Variants in PTPRG observed in about 807,000 individuals in gnomAD.
PTPRG encodes receptor-type tyrosine-protein phosphatase gamma.
A neutral mutation model predicts 165.3 loss-of-function variants in PTPRG; 102 were observed. The observed-to-expected ratio is 0.62, with a 90% CI of 0.53 to 0.73. The LOEUF (loss-of-function observed/expected upper bound fraction) is 0.73, where lower values mean the gene tolerates loss of function less well. Among genes scored for constraint, PTPRG ranks in the 30% least tolerant of loss-of-function variants. The probability of loss-of-function intolerance (pLI) is 0.00; values close to 1 mark genes in which losing one functional copy is unlikely to be tolerated. For missense variants in PTPRG, 1,866 were observed against 1,861.4 expected, an observed-to-expected ratio of 1.00 and a Z score of -0.05; for synonymous variants, 675 against 669.5, an observed-to-expected ratio of 1.01 and a Z score of -0.13.
At chr3:61,659,295 C>G in intron 1 of PTPRG, 1 of 985,092 alleles carries the variant, frequency 1.0e-6, no homozygotes. Flanking sequence ...TCGACAAAGG[C>G]ACTGATGGTG....
At chr3:61,951,888 G>A in intron 2 of PTPRG, among the ~76,000 whole-genome samples, 1 of 152,134 alleles carries the variant, frequency 6.6e-6, no homozygotes, top group Non-Finnish European at 1.5e-5. Flanking sequence ...GGGAGGCCGA[G>A]GCGGGCAGAT....
At position 61,738,286 on chromosome 3, in the gene PTPRG, A is replaced by G. The variant is rs1303818099; in HGVS notation, c.86-10592A>G. On this transcript the variant is annotated intron_variant, in intron 1 of 29. Coordinates refer to ENST00000474889, the MANE Select transcript of PTPRG (RefSeq NM_002841.4). ...TATATATATATATATATACATATAT[A>G]TATATATATATATATATATATATAT... is the stretch of plus-strand genomic sequence containing the variant. Among the ~76,000 whole-genome samples, 42 of 70,744 alleles carry G rather than the reference A, an allele frequency of 5.9e-4. 2 individuals are homozygous for G. Among genetic ancestry groups the G allele is most frequent in the African/African-American group, 2.3e-3 (38 of 16,626 alleles). The allele number at this position is 70,744 out of a possible 152,430, so 46.4% of individuals were successfully genotyped here. A position where few individuals can be genotyped will look rare whatever the true frequency, so the allele number is the denominator to read the frequency against.
intron 5 of PTPRG, among the ~76,000 whole-genome samples, chr3:62,107,905 G>A (rs922737316): frequency 1.3e-5 from 2 of 152,134 alleles, no homozygotes; most frequent in Non-Finnish European, 2.9e-5. Flanking sequence ...TGATAAATCC[G>A]TGGAAATCTC....
chr3:61,675,791 C>T (rs1208215854), intron 1 of PTPRG, among the ~76,000 whole-genome samples: 1 of 152,016 alleles, frequency 6.6e-6, no homozygotes, highest in East Asian at 1.9e-4. Context: ...TATACTGTTG[C>T]TTTTGCATAC....
chr3:61,987,597 TA>T (rs1233277602), intron 2 of PTPRG, among the ~76,000 whole-genome samples: 4 of 152,174 alleles, frequency 2.6e-5, no homozygotes, highest in Non-Finnish European at 5.9e-5. Context: ...AGTGTAATTT[TA>T]TTGTACTGTA....
intron 5 of PTPRG, chr3:62,124,228 A>G (rs1703196216): frequency 1.8e-6 from 2 of 1,126,096 alleles, no homozygotes; most frequent in Non-Finnish European, 2.7e-6. Context: ...CTTTCCTGTC[A>G]TTTGACATTA....
At chr3:62,275,554 G>A (rs1258627469) in intron 23 of PTPRG, among the ~76,000 whole-genome samples, 1 of 152,168 alleles carries the variant, frequency 6.6e-6, no homozygotes, top group African/African-American at 2.4e-5. Context: ...GATTACACCT[G>A]TAATCCCAGA....
At chr3:62,246,962 G>A (rs1701301137) in intron 15 of PTPRG, among the ~76,000 whole-genome samples, 1 of 152,090 alleles carries the variant, frequency 6.6e-6, no homozygotes, top group African/African-American at 2.4e-5. Context: ...AATATGTGCA[G>A]CAGGGTGAAG....
At chr3:61,828,276 G>T (rs116440497) in intron 2 of PTPRG, among the ~76,000 whole-genome samples, 1 of 152,298 alleles carries the variant, frequency 6.6e-6, no homozygotes, top group African/African-American at 2.4e-5. Context: ...CCTATATGCA[G>T]TCAAACCTGG....
intron 8 of PTPRG, among the ~76,000 whole-genome samples, chr3:62,168,667 A>G (rs1576088694): frequency 6.6e-6 from 1 of 152,300 alleles, no homozygotes; most frequent in South Asian, 2.1e-4. Context: ...CAGGTGCAGG[A>G]GCCAGGGTGA....
chr3:62,273,019 G>C lies in PTPRG; in HGVS notation c.3256G>C (p.Val1086Leu). 1 of 1,613,854 alleles carries C rather than the reference G, an allele frequency of 6.2e-7. No individual in the cohort carries two copies. The highest frequency in any genetic ancestry group is 8.5e-7 in the Non-Finnish European group (1 of 1,179,842). Reference protein sequence around the residue: ...MLQQIKDKSTVNVLGFLKHIR... With the variant: ...MLQQIKDKSTLNVLGFLKHIR... ...GCAACAGATAAAAGACAAAAGCACAGTTAACGTCCTGGGATTCCTGAAGCA... is the reference window on the plus strand; with the variant it reads ...GCAACAGATAAAAGACAAAAGCACACTTAACGTCCTGGGATTCCTGAAGCA... Residue 1086 changes from valine to leucine, a missense_variant, in exon 22 of 30, where the codon GTT becomes CTT. Transcript: ENST00000474889. This position sits in a 1 kb window ranked among gnomAD's most constrained non-coding sequence, Gnocchi z 4.1.
intron 3 of PTPRG, among the ~76,000 whole-genome samples, chr3:61,995,200 T>A (rs1471591918): frequency 6.6e-6 from 1 of 151,138 alleles, no homozygotes; most frequent in Non-Finnish European, 1.5e-5. Context: ...GTGATTCTTA[T>A]GTCCCAGCCT....
At chr3:61,644,353 G>C (rs560900779) in intron 1 of PTPRG, among the ~76,000 whole-genome samples, 1 of 152,194 alleles carries the variant, frequency 6.6e-6, no homozygotes, top group Non-Finnish European at 1.5e-5. Flanking sequence ...TTTCCAAAGA[G>C]GGGGTGGCCT....
At chr3:62,141,415 C>T (rs1243781873) in intron 6 of PTPRG, among the ~76,000 whole-genome samples, 2 of 151,918 alleles carry the variant, frequency 1.3e-5, no homozygotes, top group African/African-American at 4.8e-5. Context: ...GCCTCAGCAA[C>T]ATGGTGTTTT....
At chr3:61,627,347 G>A (rs72874749) in intron 1 of PTPRG, among the ~76,000 whole-genome samples, 4,530 of 152,152 alleles carry the variant, frequency 0.03, 227 homozygotes, top group African/African-American at 0.1. Context: ...TGCCTGATAC[G>A]ATAATTGTTG....
intron 15 of PTPRG, among the ~76,000 whole-genome samples, chr3:62,248,583 A>C (rs1181718521): frequency 6.6e-6 from 1 of 152,194 alleles, no homozygotes; most frequent in Non-Finnish European, 1.5e-5. Context: ...AACAAACTTG[A>C]ATATTACAAT....
chr3:62,082,960 C>T (rs1007819968), intron 5 of PTPRG, among the ~76,000 whole-genome samples: 2 of 152,054 alleles, frequency 1.3e-5, no homozygotes, highest in Non-Finnish European at 2.9e-5. Flanking sequence ...TGGGTTTGTT[C>T]CCTATCGAAA....
In PTPRG at chr3:61,682,447, G is replaced by A. The variant is rs146931298; in HGVS notation, c.86-66431G>A. The stretch of plus-strand genomic sequence containing the variant: ...GTTGACAGTAATGGGTATGGGTGAT[G>A]GGGACATAGGCATTTGTTGTAAAGT... On this transcript the variant is annotated intron_variant, in intron 1 of 29. Coordinates refer to ENST00000474889, the MANE Select transcript of PTPRG (RefSeq NM_002841.4). Among the ~76,000 whole-genome samples the A allele has an allele frequency of 5.9e-3, 903 of 152,266 alleles. 12 individuals are homozygous for A. The highest frequency in any genetic ancestry group is 0.02 in the African/African-American group (840 of 41,552).
At chr3:62,103,019 A>G (rs943945587) in intron 5 of PTPRG, among the ~76,000 whole-genome samples, 2 of 152,164 alleles carry the variant, frequency 1.3e-5, no homozygotes, top group Admixed American at 6.6e-5. Context: ...GTTATATCCT[A>G]CCAGCCCATC....
Sources: allele counts gnomAD v4.1 joint callset (sites outside exome capture counted in the v4.1 genomes callset), GRCh38; gene constraint gnomAD v4.1.1; non-coding constraint Gnocchi (gnomAD v3.1); transcripts MANE v1.5; gene names NCBI Gene and HGNC (gene_info 2026-07-23, HGNC 2026-07-21).